Variants in HS3ST2 observed in about 807,000 individuals in gnomAD.
HS3ST2 encodes heparan sulfate glucosamine 3-O-sulfotransferase 2.
In HS3ST2, 17 loss-of-function variants were observed where a neutral mutation model predicts 26.3. That is an observed-to-expected ratio of 0.65 (90% CI 0.44 to 0.97). The LOEUF is 0.97. Among genes scored for constraint, HS3ST2 ranks in the 50% least tolerant of loss-of-function variants. HS3ST2 has a pLI of 0.00. For synonymous variants in HS3ST2, 237 were observed against 219.2 expected (o/e 1.08, Z -0.72); for missense variants, 402 against 501.2 (o/e 0.80, Z 1.89).
intron 1 of HS3ST2, among the ~76,000 whole-genome samples, chr16:22,835,925 G>T (rs1178849714): frequency 6.6e-6 from 1 of 151,544 alleles, no homozygotes; most frequent in Non-Finnish European, 1.5e-5. Flanking sequence ...AAGGAAACAA[G>T]GAAGTATTTT....
intron 1 of HS3ST2, among the ~76,000 whole-genome samples, chr16:22,894,510 A>G (rs1263496604): frequency 1.3e-5 from 2 of 152,136 alleles, no homozygotes; most frequent in Admixed American, 1.3e-4. Context: ...GTTCTGTGTC[A>G]AGAACTCACT....
At chr16:22,878,679 A>T (rs1277801593) in intron 1 of HS3ST2, among the ~76,000 whole-genome samples, 3 of 152,188 alleles carry the variant, frequency 2.0e-5, no homozygotes, top group African/African-American at 7.2e-5. Context: ...AAAAACAACA[A>T]GAATTGAGGG....
At position 22,916,333 on chromosome 16, in the gene HS3ST2, C is replaced by A. The variant is rs888751172; in HGVS notation, c.*771C>A. The stretch of plus-strand genomic sequence containing the variant: ...TGAAATAAATATGGCTCTCTCGTGT[C>A]CTTAATGCTGGGCTTTTCTCTGTAA... On this transcript the variant is annotated 3_prime_UTR_variant, in exon 2 of 2. Transcript: ENST00000261374. The A allele has an allele frequency of 6.6e-6, 1 of 152,620 alleles. No individual in the cohort carries two copies. Among genetic ancestry groups the A allele is most frequent in the Non-Finnish European group, 1.5e-5 (1 of 68,048 alleles). The allele number at this position is 152,620 out of a possible 1,614,324, so 9.5% of individuals were successfully genotyped here. A position where few individuals can be genotyped will look rare whatever the true frequency, so the allele number is the denominator to read the frequency against.
intron 1 of HS3ST2, among the ~76,000 whole-genome samples, chr16:22,827,573 G>A (rs979803068): frequency 2.0e-5 from 3 of 152,088 alleles, no homozygotes; most frequent in African/African-American, 7.2e-5. Flanking sequence ...ATGACTGCAT[G>A]GGGCAAGGTG....
At chr16:22,903,664 G>A (rs142251737) in intron 1 of HS3ST2, among the ~76,000 whole-genome samples, 26 of 152,324 alleles carry the variant, frequency 1.7e-4, no homozygotes, top group African/African-American at 6.3e-4. Context: ...ACAAAGATAA[G>A]CGAGGTGCAG....
intron 1 of HS3ST2, among the ~76,000 whole-genome samples, chr16:22,880,454 G>T (rs1901973328): frequency 6.6e-6 from 1 of 151,986 alleles, no homozygotes; most frequent in African/African-American, 2.4e-5. Context: ...TTAAAAACTG[G>T]GGGAAAAAAA....
rs528601090 is a variant in HS3ST2 at position 22,827,075 on chromosome 16, C to T, written c.485+11980C>T. Among the ~76,000 whole-genome samples, 32 of 152,090 alleles carry T rather than the reference C, an allele frequency of 2.1e-4. 1 individual carries two copies. The South Asian group carries it at 6.2e-3, about 30-fold the overall frequency. Reference sequence around the variant, plus strand: ...GTTAGGGAAGGCCTAGCAGAGAAGGCAATATTTGAGTGATGATCTGAAGGA... The same window carrying T: ...GTTAGGGAAGGCCTAGCAGAGAAGGTAATATTTGAGTGATGATCTGAAGGA... On this transcript the variant is annotated intron_variant, in intron 1 of 1. Coordinates refer to ENST00000261374, the MANE Select transcript of HS3ST2 (RefSeq NM_006043.2).
At chr16:22,847,340 A>G (rs909645840) in intron 1 of HS3ST2, among the ~76,000 whole-genome samples, 7 of 152,204 alleles carry the variant, frequency 4.6e-5, no homozygotes, top group Admixed American at 2.0e-4. Context: ...ATAGAATTCC[A>G]TGGTGTATAT....
intron 1 of HS3ST2, among the ~76,000 whole-genome samples, chr16:22,883,984 A>C (rs1215922428): frequency 6.6e-6 from 1 of 152,174 alleles, no homozygotes; most frequent in Non-Finnish European, 1.5e-5. Flanking sequence ...CACCTCTAGA[A>C]ATCAAAACAA....
intron 1 of HS3ST2, among the ~76,000 whole-genome samples, chr16:22,818,254 C>A (rs1399793819): frequency 6.6e-6 from 1 of 152,158 alleles, no homozygotes; most frequent in African/African-American, 2.4e-5. Flanking sequence ...GACAGGGAAC[C>A]ACAGTCAGAA....
intron 1 of HS3ST2, chr16:22,833,274 A>C: frequency 2.2e-6 from 1 of 456,036 alleles, no homozygotes; most frequent in South Asian, 1.5e-5. Flanking sequence ...TTCTTTCCTT[A>C]GGTGACTCAG....
chr16:22,828,463 A>G (rs759167618), intron 1 of HS3ST2, among the ~76,000 whole-genome samples: 13 of 152,190 alleles, frequency 8.5e-5, no homozygotes, highest in Non-Finnish European at 1.6e-4. Context: ...ATTGAACATG[A>G]TAACACCTTC....
rs865916164 is a variant in HS3ST2, at chr16:22,869,678, C to T, written c.486-45266C>T. On this transcript the variant is annotated intron_variant, in intron 1 of 1. Coordinates refer to ENST00000261374, the MANE Select transcript of HS3ST2 (RefSeq NM_006043.2). ...GACTCATTTACTAACATGAGAACAG[C>T]GCAGGAAAGACCCGCCGCCATAATT... 6.6e-5 allele frequency among the ~76,000 whole-genome samples: 10 copies of T among 152,104 alleles called. 1 individual carries two copies. The highest frequency in any genetic ancestry group is 1.2e-4 in the African/African-American group (5 of 41,404).
Position 22,861,263 on chromosome 16 carries a change from T to TG in HS3ST2, c.485+46174dup, listed in dbSNP as rs951603427. ...TGGCCTCTAGAACCACAGCCCAGTC[T>TG]GGGGGGTCCATCAGAGACTCTACAC... On this transcript the variant is annotated intron_variant, in intron 1 of 1. Transcript: ENST00000261374. 1.7e-4 allele frequency among the ~76,000 whole-genome samples: 26 copies of TG among 151,984 alleles called. No homozygotes were observed. The East Asian group carries it at 2.1e-3, about 13-fold the overall frequency.
In HS3ST2 at chr16:22,915,303, C is replaced by A. The variant is rs1902479340; in HGVS notation, c.845C>A (p.Ala282Asp). 6.2e-7 allele frequency: 1 copy of A among 1,613,914 alleles called. No homozygotes were observed. The highest frequency in any genetic ancestry group is 1.3e-5 in the African/African-American group (1 of 74,864). ...VSGERLITDP[A>D]GEMGRVQDFL... ...GGCGAGCGACTCATCACTGACCCGG[C>A]CGGCGAGATGGGGCGAGTCCAGGAC... Residue 282 changes from alanine (A) to aspartate (D), a missense_variant, in exon 2 of 2, where the codon GCC becomes GAC. This residue lies in a region of HS3ST2 where 237 missense variants were observed against 346.6 expected (regional missense o/e 0.68). Coordinates refer to ENST00000261374, the MANE Select transcript of HS3ST2 (RefSeq NM_006043.2).
chr16:22,900,505 G>A (rs546180840), intron 1 of HS3ST2, among the ~76,000 whole-genome samples: 9 of 152,132 alleles, frequency 5.9e-5, no homozygotes, highest in East Asian at 1.9e-4. Flanking sequence ...TGGGACAGAC[G>A]TCAGAAGGGA....
intron 1 of HS3ST2, among the ~76,000 whole-genome samples, chr16:22,840,631 G>A (rs1168821256): frequency 6.6e-6 from 1 of 152,120 alleles, no homozygotes; most frequent in Admixed American, 6.5e-5. Context: ...GTGTCAGGGT[G>A]CATACAAGAG....
At chr16:22,855,402 G>A (rs566106871) in intron 1 of HS3ST2, among the ~76,000 whole-genome samples, 37 of 152,278 alleles carry the variant, frequency 2.4e-4, no homozygotes, top group Non-Finnish European at 5.0e-4. Context: ...CATTTGACAA[G>A]GTCACCATGG....
chr16:22,861,070 C>A (rs1901667566), intron 1 of HS3ST2, among the ~76,000 whole-genome samples: 2 of 151,910 alleles, frequency 1.3e-5, no homozygotes, highest in Non-Finnish European at 2.9e-5. Context: ...AGATATAGGG[C>A]CTCACTATGT....
Sources: allele counts gnomAD v4.1 joint callset (sites outside exome capture counted in the v4.1 genomes callset), GRCh38; gene constraint gnomAD v4.1.1; regional missense constraint gnomAD v4.1.1; transcripts MANE v1.5; gene names NCBI Gene and HGNC (gene_info 2026-07-23, HGNC 2026-07-21).